The following TEX14 variants were observed in gnomAD, a reference collection of about 807,000 sequenced individuals.
The protein encoded by TEX14 is testis expressed 14, intercellular bridge forming factor, also known as inactive serine/threonine-protein kinase TEX14.
In TEX14, 168 loss-of-function variants were observed where a neutral mutation model predicts 178.6. The ratio of observed to expected loss-of-function variants is 0.94; its 90% CI spans 0.83 to 1.07. TEX14 has a LOEUF of 1.07. Among genes scored for constraint, TEX14 ranks in the 50% least tolerant of loss-of-function variants. The pLI, the probability that TEX14 is intolerant of heterozygous loss-of-function variation, is 0.00. For missense variants in TEX14, 1,730 were observed against 1,753.6 expected, an observed-to-expected ratio of 0.99 and a Z score of 0.24; for synonymous variants, 626 against 634.1, an observed-to-expected ratio of 0.99 and a Z score of 0.19.
chr17:58,569,196 G>A lies in TEX14; in HGVS notation c.3882C>T (p.Asp1294=). 1 of 1,613,254 alleles carries A rather than the reference G, an allele frequency of 6.2e-7. No individual in the cohort carries two copies. The highest frequency in any genetic ancestry group is 1.1e-5 in the South Asian group (1 of 91,060). The change falls in exon 26 of 32, where the codon GAC becomes GAT. Residue 1294 remains aspartate, a synonymous_variant. Coordinates refer to ENST00000349033, the MANE Select transcript of TEX14 (RefSeq NM_031272.5). This position sits in a 1 kb window ranked among gnomAD's most constrained non-coding sequence, Gnocchi z 4.1. ...TCTGTATTGAACATCTCTTACCAAT[G>A]TCATCAAGTAGCTCCTGAGATGGTG... is the stretch of plus-strand genomic sequence containing the variant. The part of the protein sequence containing the change: ...LPPPSQELLD[D]IELLKQQQGS...
intron 10 of TEX14, among the ~76,000 whole-genome samples, chr17:58,607,012 CAAAAAAAA>C (rs35155837): frequency 8.6e-5 from 8 of 92,620 alleles, no homozygotes; most frequent in Admixed American, 8.4e-4. Flanking sequence ...GCTACTGTCT[CAAAAAAAA>C]AAAAAAAAAA....
At chr17:58,636,623 G>C (rs1176592492) in intron 2 of TEX14, among the ~76,000 whole-genome samples, 1 of 152,160 alleles carries the variant, frequency 6.6e-6, no homozygotes, top group Non-Finnish European at 1.5e-5. Context: ...CTGTCTCTGT[G>C]ATATTGTGAA....
chr17:58,638,854 C>A (rs1192187550), intron 2 of TEX14, among the ~76,000 whole-genome samples: 3 of 75,094 alleles, frequency 4.0e-5, no homozygotes, highest in African/African-American at 6.0e-5. Context: ...GACTATTATT[C>A]TTTTTTTTTT....
intron 1 of TEX14, among the ~76,000 whole-genome samples, chr17:58,676,463 G>T (rs886615330): frequency 6.6e-6 from 1 of 152,088 alleles, no homozygotes; most frequent in African/African-American, 2.4e-5. Flanking sequence ...GGGAGGCTGA[G>T]GCAAGAGAAT....
chr17:58,636,790 G>T (rs2046441919), intron 2 of TEX14, among the ~76,000 whole-genome samples: 1 of 152,156 alleles, frequency 6.6e-6, no homozygotes, highest in African/African-American at 2.4e-5. Flanking sequence ...GCATGTACCT[G>T]TAGTCCCAGC....
intron 12 of TEX14, 87 bp downstream of exon 12, chr17:58,602,313 T>C: frequency 7.6e-7 from 1 of 1,313,466 alleles, no homozygotes; most frequent in Non-Finnish European, 1.1e-6. Flanking sequence ...TTCTTACAAC[T>C]TGGTCTCTAG....
intron 24 of TEX14, 119 bp downstream of exon 24, chr17:58,571,801 AG>A: frequency 1.2e-6 from 1 of 835,188 alleles, no homozygotes; most frequent in Admixed American, 2.2e-5. Context: ...CAGGCAAGCC[AG>A]GAGAGGACCC....
At chr17:58,588,103 C>T (rs1412073650) in intron 15 of TEX14, 82 bp from the exon 16 acceptor site, 24 of 680,956 alleles carry the variant, frequency 3.5e-5, no homozygotes, top group Non-Finnish European at 6.2e-5. Flanking sequence ...TATAAAAGTG[C>T]TCTTGGGAGA....
At chr17:58,637,615 G>A (rs1225159256) in intron 2 of TEX14, among the ~76,000 whole-genome samples, 1 of 152,214 alleles carries the variant, frequency 6.6e-6, no homozygotes, top group African/African-American at 2.4e-5. Flanking sequence ...CCTGGAGGAT[G>A]GGCCAGGGAG....
At chr17:58,631,746 T>TATCTCCC (rs1392845966) in intron 2 of TEX14, 1 of 103,710 alleles carries the variant, frequency 9.6e-6, no homozygotes, top group Non-Finnish European at 2.3e-5. Context: ...AGAACACAAA[T>TATCTCCC]ATCTCCCTCT....
In TEX14 at chr17:58,621,724, G is replaced by A. The variant is rs767585772; in HGVS notation, c.480C>T (p.Tyr160=). 28 of 1,614,084 alleles carry A rather than the reference G, an allele frequency of 1.7e-5. No homozygotes were observed. Among genetic ancestry groups the A allele is most frequent in the South Asian group, 5.5e-5 (5 of 91,092 alleles). ...GGGAGTCTATCTTCTTCAGGAGGTC[G>A]TAAGAGAAGCCCTGGATGATGGCCT... ...HMQAIIQGFS[Y]DLLKKIDSPQ... is the part of the protein sequence containing the mutation. The change falls in exon 5 of 32, where the codon TAC becomes TAT. Residue 160 remains tyrosine (Y), a synonymous_variant. Transcript: ENST00000349033.
At chr17:58,561,957 C>T (rs962352755) in intron 28 of TEX14, among the ~76,000 whole-genome samples, 5 of 152,000 alleles carry the variant, frequency 3.3e-5, no homozygotes, top group African/African-American at 7.2e-5. Context: ...TGGTCGCGTG[C>T]GCCTGTAATC....
At chr17:58,660,670 C>G (rs1478052694) in intron 1 of TEX14, 2 of 783,238 alleles carry the variant, frequency 2.6e-6, no homozygotes, top group Non-Finnish European at 4.8e-6. Flanking sequence ...GTTCATCATC[C>G]TCTTCCTCCT....
Position 58,587,847 on chromosome 17 carries a change from A to ACCCC in TEX14, c.2702+45_2702+48dup. On this transcript the variant is annotated intron_variant, in intron 16 of 31. Coordinates refer to ENST00000349033, the MANE Select transcript of TEX14 (RefSeq NM_031272.5). ...GCACCAGCAGAGGGTGCCAGAACCC[A>ACCCC]CCCCCACCCCCGCTCCACCACCAGT... The ACCCC allele has an allele frequency of 6.4e-6, 4 of 621,332 alleles. No individual in the cohort carries two copies. In the Admixed American group the frequency reaches 6.5e-5, roughly 10 times the overall value. 38.5% of individuals were successfully genotyped at this position (621,332 alleles called of 1,614,324 possible). A position where few individuals can be genotyped will look rare whatever the true frequency, so the allele number is the denominator to read the frequency against.
chr17:58,607,233 C>A (rs1318658384), intron 10 of TEX14, among the ~76,000 whole-genome samples: 1 of 152,124 alleles, frequency 6.6e-6, no homozygotes, highest in Non-Finnish European at 1.5e-5. Flanking sequence ...TATGTTGTTA[C>A]ACCTGCAACG....
chr17:58,562,474 A>G (rs1215348148), intron 28 of TEX14, among the ~76,000 whole-genome samples: 1 of 151,826 alleles, frequency 6.6e-6, no homozygotes, highest in African/African-American at 2.4e-5. Context: ...AACAATAATA[A>G]TAGCTAACTT....
chr17:58,629,453 C>CTGAAAAAA (rs2046228606), intron 3 of TEX14, among the ~76,000 whole-genome samples: 1 of 91,454 alleles, frequency 1.1e-5, no homozygotes, highest in Admixed American at 1.2e-4. Context: ...GACCATGTGT[C>CTGAAAAAA]AGGAAAAAAA....
intron 15 of TEX14, among the ~76,000 whole-genome samples, chr17:58,593,120 G>A (rs192230562): frequency 3.0e-4 from 45 of 151,976 alleles, no homozygotes; most frequent in Non-Finnish European, 3.1e-4. Context: ...CATTTCATTC[G>A]TCTGGCTGGA....
At position 58,616,180 on chromosome 17, in the gene TEX14, C is replaced by A; in HGVS notation, c.762G>T (p.Met254Ile). 6.2e-7 allele frequency: 1 copy of A among 1,612,842 alleles called. No individual in the cohort carries two copies. The highest frequency in any genetic ancestry group is 1.1e-5 in the South Asian group (1 of 90,870). The part of the protein sequence containing the change: ...FSFFSGPYMV[M>I]TNLVWNGSRV... ...ACTGGCCAGCCCCCACTTACTTGGT[C>A]ATGACCATGTAGGGGCCGCTGAAGA... is the stretch of plus-strand genomic sequence containing the variant. The change falls in exon 7 of 32, where the codon ATG becomes ATT. Residue 254 changes from methionine (M) to isoleucine (I), a missense_variant. Physicochemically the swap from Met to Ile is conservative, Grantham distance 10. Transcript: ENST00000349033.
Sources: gnomAD v4.1 joint callset for allele counts (sites outside exome capture counted in the v4.1 genomes callset) on GRCh38, gnomAD v4.1.1 for gene constraint, Gnocchi (gnomAD v3.1) non-coding constraint, MANE v1.5 for transcripts, NCBI Gene and HGNC (gene_info 2026-07-23, HGNC 2026-07-21) for gene names.